DNAJB4: variants seen among roughly 807,000 people sequenced by gnomAD.
DNAJB4 encodes DnaJ heat shock protein family (Hsp40) member B4.
A neutral mutation model predicts 26.6 loss-of-function variants in DNAJB4; 10 were observed. The ratio of observed to expected loss-of-function variants is 0.38; its 90% CI spans 0.23 to 0.64. The LOEUF (loss-of-function observed/expected upper bound fraction) is 0.64. Among genes scored for constraint, DNAJB4 ranks in the 30% least tolerant of loss-of-function variants. The pLI, the probability that DNAJB4 is intolerant of heterozygous loss-of-function variation, is 0.58. For missense variants in DNAJB4, 328 were observed against 408.2 expected (o/e 0.80, Z 1.69); for synonymous variants, 136 against 134.8 (o/e 1.01, Z -0.06).
At chr1:78,005,573 A>G (rs867180085) in intron 1 of DNAJB4, among the ~76,000 whole-genome samples, 1 of 152,194 alleles carries the variant, frequency 6.6e-6, no homozygotes, top group African/African-American at 2.4e-5. Flanking sequence ...TTTGTATTAT[A>G]CATATTTTAT....
At chr1:77,986,441 TC>T (rs1214278199) in intron 1 of DNAJB4, among the ~76,000 whole-genome samples, 2 of 152,206 alleles carry the variant, frequency 1.3e-5, no homozygotes, top group Non-Finnish European at 2.9e-5. Context: ...ATGTACTTCT[TC>T]CGTTCCTCTA....
At position 78,013,324 on chromosome 1, in the gene DNAJB4, A is replaced by G; in HGVS notation, c.485A>G (p.His162Arg). The G allele has an allele frequency of 3.7e-6, 6 of 1,614,170 alleles. No individual in the cohort carries two copies. The highest frequency in any genetic ancestry group is 5.1e-6 in the Non-Finnish European group (6 of 1,180,020). ...CTCAAACAAGATCCTCCAGTTATTC[A>G]TGAACTTAGAGTATCACTTGAAGAG... is the stretch of plus-strand genomic sequence containing the variant. ...SRLKQDPPVI[H>R]ELRVSLEEIY... Residue 162 changes from histidine to arginine, a missense_variant, in exon 2 of 3, where the codon CAT becomes CGT. Transcript: ENST00000370763.
At chr1:77,979,811 A>G (rs1026145331), upstream of DNAJB4, among the ~76,000 whole-genome samples, 8 of 152,162 alleles carry the variant, frequency 5.3e-5, no homozygotes, top group African/African-American at 1.9e-4. Context: ...GATTGTTCTT[A>G]AAGTTCAGTG....
intron 1 of DNAJB4, among the ~76,000 whole-genome samples, chr1:77,993,930 A>G (rs1340761204): frequency 6.6e-6 from 1 of 152,204 alleles, no homozygotes; most frequent in Non-Finnish European, 1.5e-5. Flanking sequence ...GGTAAATACT[A>G]TAGGACATAC....
At chr1:78,013,681 T>G (rs1368876787) in intron 2 of DNAJB4, 62 bp downstream of exon 2, 1 of 1,271,358 alleles carries the variant, frequency 7.9e-7, no homozygotes, top group Non-Finnish European at 1.1e-6. Context: ...ATAGGGAGTG[T>G]ATCTAGATAA....
intron 2 of DNAJB4, among the ~76,000 whole-genome samples, chr1:78,014,127 CTT>C (rs200230733): frequency 6.9e-6 from 1 of 145,528 alleles, no homozygotes. Flanking sequence ...TGCACTATTT[CTT>C]TTTTTTTTTT....
chr1:77,996,290 A>T lies in DNAJB4; in HGVS notation c.-31-8790A>T, dbSNP rs548914357. 2.6e-5 allele frequency among the ~76,000 whole-genome samples: 4 copies of T among 152,078 alleles called. No homozygotes were observed. In the South Asian group the frequency reaches 8.3e-4, roughly 32 times the overall value. Reference sequence around the variant, plus strand: ...TGCCTGAGCCTCCTGAGTAGCTGGGACTACAGGCACATGCCACCATGCCTG... The same window carrying T: ...TGCCTGAGCCTCCTGAGTAGCTGGGTCTACAGGCACATGCCACCATGCCTG... On this transcript the variant is annotated intron_variant, in intron 1 of 2. Transcript: ENST00000426517.
Position 78,017,702 on chromosome 1 carries a change from A to C in DNAJB4, c.*1455A>C, listed in dbSNP as rs1381012511. ...CCAGCCCCTGAAAACACTACCATCT[A>C]CTTTTCATCTGTATGGATTTGTCTG... On this transcript the variant is annotated 3_prime_UTR_variant, in exon 3 of 3. Transcript: ENST00000370763. 6.6e-6 allele frequency: 1 copy of C among 151,162 alleles called. No individual in the cohort carries two copies. The highest frequency in any genetic ancestry group is 2.4e-5 in the African/African-American group (1 of 41,112). 9.4% of individuals were successfully genotyped at this position (151,162 alleles called of 1,614,324 possible). A position where few individuals can be genotyped will look rare whatever the true frequency, so the allele number is the denominator to read the frequency against.
rs114700707 is a variant in DNAJB4, at chr1:77,994,997, C to T, written c.-31-10083C>T. Reference sequence around the variant, plus strand: ...CTGAAAAATTGGATTATAGTACTGCCGACTAGAAGGAACCACTAGATCTGC... The same window carrying T: ...CTGAAAAATTGGATTATAGTACTGCTGACTAGAAGGAACCACTAGATCTGC... On this transcript the variant is annotated intron_variant, in intron 1 of 2. Coordinates refer to the DNAJB4 transcript ENST00000426517. Among the ~76,000 whole-genome samples, 931 of 151,966 alleles carry T rather than the reference C, an allele frequency of 6.1e-3. 11 individuals carry two copies. Among genetic ancestry groups the T allele is most frequent in the African/African-American group, 0.021 (873 of 41,446 alleles).
chr1:77,999,479 G>T (rs529915152), intron 1 of DNAJB4, among the ~76,000 whole-genome samples: 11 of 151,720 alleles, frequency 7.3e-5, no homozygotes, highest in African/African-American at 1.9e-4. Flanking sequence ...AGAGATAAAG[G>T]TCTGAAAAGG....
At chr1:78,014,880 C>T in intron 2 of DNAJB4, among the ~76,000 whole-genome samples, 1 of 152,170 alleles carries the variant, frequency 6.6e-6, no homozygotes, top group East Asian at 1.9e-4. Flanking sequence ...GGACTATAGG[C>T]ATGAGCCACC....
At chr1:77,983,778 A>G (rs539081486) in intron 1 of DNAJB4, among the ~76,000 whole-genome samples, 1 of 152,288 alleles carries the variant, frequency 6.6e-6, no homozygotes, top group South Asian at 2.1e-4. Flanking sequence ...GGAGTCTCCT[A>G]TGTCTACTTC....
upstream of DNAJB4, among the ~76,000 whole-genome samples, chr1:77,979,878 G>GT (rs111247352): frequency 0.081 from 12,134 of 149,624 alleles, 888 homozygotes; most frequent in African/African-American, 0.19. Flanking sequence ...TTTATTAAGG[G>GT]TTTTTTTTTG....
chr1:78,016,488 A>G lies in DNAJB4; in HGVS notation c.*241A>G, dbSNP rs1660646584. Reference sequence around the variant, plus strand: ...TCTCCTGATTCAGATATTTTTAGTAATTTGCTTATATGTAAAAGTTGTTTT... The same window carrying G: ...TCTCCTGATTCAGATATTTTTAGTAGTTTGCTTATATGTAAAAGTTGTTTT... On this transcript the variant is annotated 3_prime_UTR_variant, in exon 3 of 3. Coordinates refer to ENST00000370763, the MANE Select transcript of DNAJB4 (RefSeq NM_007034.5). 4.2e-6 allele frequency: 2 copies of G among 481,020 alleles called. No homozygotes were observed. Among genetic ancestry groups the G allele is most frequent in the Non-Finnish European group, 7.3e-6 (2 of 274,266 alleles). The allele number at this position is 481,020 out of a possible 1,614,324, so 29.8% of individuals were successfully genotyped here.
intron 1 of DNAJB4, among the ~76,000 whole-genome samples, chr1:78,007,751 A>C (rs1660367435): frequency 6.6e-6 from 1 of 152,198 alleles, no homozygotes; most frequent in African/African-American, 2.4e-5. Flanking sequence ...AAGTAGGGGA[A>C]AACATTTTTT....
intron 1 of DNAJB4, among the ~76,000 whole-genome samples, chr1:78,011,336 A>ATTG (rs1660467255): frequency 6.6e-6 from 1 of 152,178 alleles, no homozygotes; most frequent in African/African-American, 2.4e-5. Context: ...TCTTACAAGC[A>ATTG]TTGAAATTAA....
At chr1:78,010,852 C>T (rs1208277004) in intron 1 of DNAJB4, among the ~76,000 whole-genome samples, 2 of 152,158 alleles carry the variant, frequency 1.3e-5, no homozygotes, top group African/African-American at 4.8e-5. Flanking sequence ...ACTCAAGACA[C>T]CTTTTTTAGT....
intron 2 of DNAJB4, among the ~76,000 whole-genome samples, chr1:78,014,252 C>T (rs537737826): frequency 2.0e-5 from 3 of 151,576 alleles, no homozygotes; most frequent in South Asian, 4.2e-4. Context: ...GGATTACAGG[C>T]GCCCCCCACC....
At chr1:78,010,527 T>A (rs1197016896) in intron 1 of DNAJB4, among the ~76,000 whole-genome samples, 2 of 152,222 alleles carry the variant, frequency 1.3e-5, no homozygotes, top group Non-Finnish European at 2.9e-5. Context: ...TTTCCCTAAC[T>A]GCTATTTGGA....
Sources: gnomAD v4.1 joint callset for allele counts (sites outside exome capture counted in the v4.1 genomes callset) on GRCh38, gnomAD v4.1.1 for gene constraint, MANE v1.5 for transcripts, NCBI Gene and HGNC (gene_info 2026-07-23, HGNC 2026-07-21) for gene names.